Variants in BBOF1 observed in about 807,000 individuals in gnomAD.
The protein encoded by BBOF1 is basal body orientation factor 1.
BBOF1 carries 62 observed loss-of-function variants against 68.0 expected under a neutral mutation model. The ratio of observed to expected loss-of-function variants is 0.91; its 90% confidence interval spans 0.74 to 1.13. The LOEUF is 1.13. BBOF1 is among the 50% of genes most tolerant of loss of function. The pLI is 0.00. For synonymous variants in BBOF1, 208 were observed against 198.8 expected, an observed-to-expected ratio of 1.05 and a Z score of -0.39; for missense variants, 534 against 600.1, an observed-to-expected ratio of 0.89 and a Z score of 1.15.
chr14:74,044,794 A>G (rs1374809321), intron 5 of BBOF1, among the ~76,000 whole-genome samples: 1 of 152,106 alleles, frequency 6.6e-6, no homozygotes, highest in Non-Finnish European at 1.5e-5. Flanking sequence ...GCATGATGGT[A>G]GGTGCCTGTA....
At chr14:74,069,561 G>A (rs2060520640), downstream of BBOF1, among the ~76,000 whole-genome samples, 1 of 151,788 alleles carries the variant, frequency 6.6e-6, no homozygotes, top group African/African-American at 2.4e-5. Flanking sequence ...GACCTTCCTA[G>A]CCAATATGGT....
chr14:74,059,084 C>T (rs112066320), intron 11 of BBOF1: 41 of 49,754 alleles, frequency 8.2e-4, no homozygotes, highest in African/African-American at 3.5e-3. Flanking sequence ...AACTCCATCT[C>T]AAAAAAAAAA....
Position 74,053,035 on chromosome 14 carries a change from A to T in BBOF1, c.1287-2549A>T, listed in dbSNP as rs143986188. ...AACACAGTGAGACCTAGTCTCAAAA[A>T]ATAATAATAAATAAAATAAATTTTT... On this transcript the variant is annotated intron_variant, in intron 8 of 11. Transcript: ENST00000394009. Among the ~76,000 whole-genome samples the T allele has an allele frequency of 3.8e-3, 582 of 152,204 alleles. 2 individuals carry two copies. Among genetic ancestry groups the T allele is most frequent in the African/African-American group, 0.014 (569 of 41,524 alleles).
At chr14:74,074,860 T>C in intron 9 of BBOF1, 1 of 1,298,202 alleles carries the variant, frequency 7.7e-7, no homozygotes, top group South Asian at 1.2e-5. Flanking sequence ...AAGTTTCACA[T>C]ACACTCTGAT....
chr14:74,027,255 T>C (rs928469451), intron 2 of BBOF1, among the ~76,000 whole-genome samples: 1 of 151,708 alleles, frequency 6.6e-6, no homozygotes, highest in Admixed American at 6.6e-5. Flanking sequence ...CCTGGCTAAT[T>C]TTTGTGTTTG....
rs969749293 is a variant in BBOF1 at position 74,065,395 on chromosome 14, C to G, written c.*696C>G. 2 of 1,601,098 alleles carry G rather than the reference C, an allele frequency of 1.2e-6. No homozygotes were observed. Among genetic ancestry groups the G allele is most frequent in the Admixed American group, 3.4e-5 (2 of 59,616 alleles). On this transcript the variant is annotated 3_prime_UTR_variant, in exon 12 of 12. Transcript: ENST00000394009. ...GTGATGCATCCAGAAAAGAAGTCAGCTTTTTGGATTCTGAGTATTTTATGC... is the reference window on the plus strand; with the variant it reads ...GTGATGCATCCAGAAAAGAAGTCAGGTTTTTGGATTCTGAGTATTTTATGC...
intron 9 of BBOF1, chr14:74,074,892 G>A: frequency 6.6e-7 from 1 of 1,518,116 alleles, no homozygotes; most frequent in Non-Finnish European, 9.1e-7. Flanking sequence ...AAAGAAGATA[G>A]AGATACCCAA....
intron 9 of BBOF1, chr14:74,071,786 T>C (rs1446160345): frequency 2.0e-6 from 3 of 1,483,344 alleles, no homozygotes; most frequent in Non-Finnish European, 2.8e-6. Context: ...AAAGATATCA[T>C]GGGATGGCAA....
chr14:74,023,055 G>T lies in BBOF1; in HGVS notation c.196G>T (p.Asp66Tyr). 6.2e-7 allele frequency: 1 copy of T among 1,608,654 alleles called. No individual in the cohort carries two copies. Residue 66 changes from aspartate (D) to tyrosine (Y), a missense_variant, in exon 2 of 12, where the codon GAC (aspartate) becomes TAC (tyrosine). Coordinates refer to ENST00000394009, the MANE Select transcript of BBOF1 (RefSeq NM_025057.3). ...TSRILAKSNE[D>Y]LKKKQCKMEK... is the part of the protein sequence containing the mutation. ...ACGGATACTGGCAAAAAGTAATGAG[G>T]ACTTAAAGAAAAAGCAATGTAAAAT...
intron 5 of BBOF1, 114 bp downstream of exon 5, chr14:74,040,759 T>C: frequency 3.2e-6 from 2 of 619,960 alleles, no homozygotes; most frequent in South Asian, 2.5e-5. Flanking sequence ...GATTAGAAGA[T>C]TGTTACCAAA....
chr14:74,078,162 C>T (rs1256300625), intron 9 of BBOF1: 1 of 454,908 alleles, frequency 2.2e-6, no homozygotes, highest in Non-Finnish European at 4.4e-6. Context: ...TCCTCTTGTA[C>T]TTTCAGGAGC....
chr14:74,042,068 A>G (rs1595055447), intron 5 of BBOF1, among the ~76,000 whole-genome samples: 3 of 152,220 alleles, frequency 2.0e-5, no homozygotes, highest in Admixed American at 2.0e-4. Context: ...CAAAACTGAA[A>G]TGGGGTCTCA....
At chr14:74,071,470 G>A (rs1015917471) in intron 9 of BBOF1, 8 of 1,613,992 alleles carry the variant, frequency 5.0e-6, no homozygotes, top group African/African-American at 2.7e-5. Flanking sequence ...CATGAGGGAT[G>A]TCACACTACA....
At chr14:74,035,413 C>CTTTTTT (rs35957144) in intron 4 of BBOF1, among the ~76,000 whole-genome samples, 4 of 97,350 alleles carry the variant, frequency 4.1e-5, no homozygotes, top group Non-Finnish European at 8.0e-5. Flanking sequence ...CATATGGGCC[C>CTTTTTT]TTTTTTTTTT....
At chr14:74,054,678 C>CTT (rs551602396) in intron 8 of BBOF1, among the ~76,000 whole-genome samples, 2,237 of 119,140 alleles carry the variant, frequency 0.019, 87 homozygotes, top group African/African-American at 0.064. Flanking sequence ...CACCCAGGCT[C>CTT]TTTTTTTTTT....
rs1409498423 is a variant in BBOF1 at position 74,034,185 on chromosome 14, C to CT, written c.495+20dup. 6 of 1,498,424 alleles carry CT rather than the reference C, an allele frequency of 4.0e-6. No homozygotes were observed. Among genetic ancestry groups the CT allele is most frequent in the East Asian group, 2.5e-5 (1 of 39,614 alleles). The allele number at this position is 1,498,424 out of a possible 1,614,324, so 92.8% of individuals were successfully genotyped here. A position where few individuals can be genotyped will look rare whatever the true frequency, so the allele number is the denominator to read the frequency against. ...GAGTTAGATGATGTAAGTTTCATTC[C>CT]TTTTTTACAAAAAGGAAATTAGAAT... On this transcript the variant is annotated intron_variant, in intron 4 of 11. Transcript: ENST00000394009.
intron 9 of BBOF1, among the ~76,000 whole-genome samples, chr14:74,076,161 A>G (rs558009388): frequency 6.6e-6 from 1 of 152,330 alleles, no homozygotes; most frequent in Admixed American, 6.5e-5. Flanking sequence ...AAACTCATCA[A>G]ACTGCATACT....
chr14:74,059,772 C>G (rs564781610), intron 11 of BBOF1: 2 of 160,118 alleles, frequency 1.2e-5, no homozygotes, highest in African/African-American at 4.8e-5. Flanking sequence ...GAAGAGAACC[C>G]TGAAACTTAG....
chr14:74,068,861 A>G (rs757204585), downstream of BBOF1: 1 of 1,614,050 alleles, frequency 6.2e-7, no homozygotes, highest in South Asian at 1.1e-5. Context: ...AGAAGTCACC[A>G]TATTGGCTTG....
Sources: gnomAD v4.1 joint callset for allele counts (sites outside exome capture counted in the v4.1 genomes callset) on GRCh38, gnomAD v4.1.1 for gene constraint, MANE v1.5 for transcripts, NCBI Gene and HGNC (gene_info 2026-07-23, HGNC 2026-07-21) for gene names.